Variants in GRIN2B observed in about 807,000 individuals in gnomAD.
The protein encoded by GRIN2B is glutamate receptor ionotropic, NMDA 2B.
A neutral mutation model predicts 114.5 loss-of-function variants in GRIN2B; 5 were observed. The ratio of observed to expected loss-of-function variants is 0.04; its 90% CI spans 0.02 to 0.09. The LOEUF is 0.09. GRIN2B is among the 10% of genes least tolerant of loss of function. The probability of loss-of-function intolerance (pLI) is 1.00; values close to 1 mark genes in which losing one functional copy is unlikely to be tolerated. For missense variants in GRIN2B, 1,108 were observed against 1,943.5 expected (o/e 0.57, Z 8.08); for synonymous variants, 787 against 745.1 (o/e 1.06, Z -0.92).
intron 4 of GRIN2B, among the ~76,000 whole-genome samples, chr12:13,697,236 T>C (rs1210466542): frequency 6.6e-6 from 1 of 152,162 alleles, no homozygotes; most frequent in African/African-American, 2.4e-5. Flanking sequence ...GCCTCAATTT[T>C]CACTTTTTAA....
At chr12:13,911,183 C>T (rs1866622069) in intron 2 of GRIN2B, among the ~76,000 whole-genome samples, 1 of 151,744 alleles carries the variant, frequency 6.6e-6, no homozygotes, top group South Asian at 2.1e-4. Flanking sequence ...GTATCTCGAA[C>T]ATTTAGCACA....
intron 3 of GRIN2B, among the ~76,000 whole-genome samples, chr12:13,785,991 C>T (rs928444961): frequency 3.3e-5 from 5 of 152,084 alleles, no homozygotes; most frequent in Non-Finnish European, 7.4e-5. Context: ...ATGACTTGCC[C>T]AAGGTCACAG....
chr12:13,915,821 C>G (rs1866708086), intron 2 of GRIN2B, among the ~76,000 whole-genome samples: 1 of 152,158 alleles, frequency 6.6e-6, no homozygotes, highest in East Asian at 1.9e-4. Context: ...GGCATCTTTA[C>G]TTGGATTTTG....
chr12:13,943,929 A>G (rs141595951), intron 2 of GRIN2B, among the ~76,000 whole-genome samples: 220 of 152,304 alleles, frequency 1.4e-3, no homozygotes, highest in African/African-American at 5.2e-3. Context: ...TCACTGATGT[A>G]TCCCAGGCAC....
At chr12:13,760,361 C>CT (rs1376261082) in intron 3 of GRIN2B, among the ~76,000 whole-genome samples, 1 of 152,176 alleles carries the variant, frequency 6.6e-6, no homozygotes, top group Non-Finnish European at 1.5e-5. Flanking sequence ...ATGCTGCAAC[C>CT]AGATGCTCTC....
At chr12:13,590,526 T>C (rs1422496406) in intron 10 of GRIN2B, among the ~76,000 whole-genome samples, 2 of 152,178 alleles carry the variant, frequency 1.3e-5, no homozygotes, top group African/African-American at 2.4e-5. Context: ...CTCACTAGTT[T>C]GTTGAGAATG....
intron 4 of GRIN2B, among the ~76,000 whole-genome samples, chr12:13,729,983 A>ATT (rs5796557): frequency 2.4e-4 from 34 of 142,474 alleles, no homozygotes; most frequent in Non-Finnish European, 4.0e-4. Context: ...ATATACACCT[A>ATT]TTTTTTTTTT....
chr12:13,768,871 A>G lies in GRIN2B; in HGVS notation c.412-14956T>C, dbSNP rs1486603485. ...AACACGGTGAAACACCGTCTCTACT[A>G]AAAATACAAAAAATTAGCCTGGCTT... On this transcript the variant is annotated intron_variant, in intron 3 of 13. Transcript: ENST00000609686. 3.3e-5 allele frequency among the ~76,000 whole-genome samples: 5 copies of G among 152,206 alleles called. No individual in the cohort carries two copies. In the East Asian group the frequency reaches 9.7e-4, roughly 30 times the overall value.
chr12:13,602,756 G>T (rs11055537), intron 10 of GRIN2B, among the ~76,000 whole-genome samples: 1 of 152,040 alleles, frequency 6.6e-6, no homozygotes, highest in Non-Finnish European at 1.5e-5. Flanking sequence ...TAGGTGTTAC[G>T]TGGCCATCCT....
At chr12:13,631,000 G>T (rs1176664716) in intron 5 of GRIN2B, among the ~76,000 whole-genome samples, 1 of 152,074 alleles carries the variant, frequency 6.6e-6, no homozygotes, top group Non-Finnish European at 1.5e-5. Context: ...TCAGGAGCGG[G>T]TAACTGTCAA....
In GRIN2B at chr12:13,623,793, T is replaced by C. The variant is rs183063793; in HGVS notation, c.1126-7136A>G. 4.6e-5 allele frequency among the ~76,000 whole-genome samples: 7 copies of C among 152,344 alleles called. 1 individual carries two copies. The East Asian group carries it at 1.2e-3, about 25-fold the overall frequency. ...AAATTTTACTGTTTTTCTTTTGCAGTAGAACATAATATTCTTCTTAAATGG... is the reference window on the plus strand; with the variant it reads ...AAATTTTACTGTTTTTCTTTTGCAGCAGAACATAATATTCTTCTTAAATGG... On this transcript the variant is annotated intron_variant, in intron 5 of 13. Transcript: ENST00000609686.
At chr12:13,712,357 T>C (rs1950422447) in intron 4 of GRIN2B, among the ~76,000 whole-genome samples, 1 of 151,982 alleles carries the variant, frequency 6.6e-6, no homozygotes, top group Non-Finnish European at 1.5e-5. Flanking sequence ...TGTGCACATG[T>C]ACCCTAAAAC....
At chr12:13,875,131 G>A (rs558385034) in intron 2 of GRIN2B, among the ~76,000 whole-genome samples, 1 of 151,898 alleles carries the variant, frequency 6.6e-6, no homozygotes, top group South Asian at 2.1e-4. Flanking sequence ...GTATCCACGT[G>A]TTCTCATCGT....
chr12:13,664,743 C>T (rs1949957814), intron 5 of GRIN2B, among the ~76,000 whole-genome samples: 1 of 152,056 alleles, frequency 6.6e-6, no homozygotes, highest in Non-Finnish European at 1.5e-5. Flanking sequence ...TCTCAAAACT[C>T]CTCTCCCTTA....
Position 13,547,981 on chromosome 12 carries a change from A to ATTTTTTTTT in GRIN2B, c.*14793_*14801dup, listed in dbSNP as rs57206826. On this transcript the variant is annotated 3_prime_UTR_variant, in exon 14 of 14. Coordinates refer to ENST00000609686, the MANE Select transcript of GRIN2B (RefSeq NM_000834.5). Reference sequence around the variant, plus strand: ...TGTGTATATATATATATATATATATATTTTTTTTTTTTTTCTGAAAGCTAC... The same window carrying ATTTTTTTTT: ...TGTGTATATATATATATATATATATATTTTTTTTTTTTTTTTTTTTTTTCTGAAAGCTAC... The ATTTTTTTTT allele has an allele frequency of 1.5e-5, 1 of 68,570 alleles. No individual in the cohort carries two copies. The highest frequency in any genetic ancestry group is 4.6e-5 in the African/African-American group (1 of 21,748). 4.2% of individuals were successfully genotyped at this position (68,570 alleles called of 1,614,324 possible).
intron 3 of GRIN2B, among the ~76,000 whole-genome samples, chr12:13,863,824 C>T (rs1865784874): frequency 6.6e-6 from 1 of 152,182 alleles, no homozygotes; most frequent in Non-Finnish European, 1.5e-5. Context: ...GGTTGCACAA[C>T]AGCCCACATG....
At chr12:13,979,657 C>T (rs547072002) in intron 2 of GRIN2B, among the ~76,000 whole-genome samples, 1 of 151,996 alleles carries the variant, frequency 6.6e-6, no homozygotes, top group Non-Finnish European at 1.5e-5. Flanking sequence ...GATATAGATA[C>T]ATTCCCCTGA....
At chr12:13,957,485 C>T (rs1867613317) in intron 2 of GRIN2B, among the ~76,000 whole-genome samples, 1 of 152,138 alleles carries the variant, frequency 6.6e-6, no homozygotes, top group African/African-American at 2.4e-5. Context: ...GGTAACCTTC[C>T]ACTGGGCCAG....
chr12:13,915,177 T>C (rs1260627515), intron 2 of GRIN2B, among the ~76,000 whole-genome samples: 1 of 152,212 alleles, frequency 6.6e-6, no homozygotes, highest in East Asian at 1.9e-4. Flanking sequence ...CCAAAATATG[T>C]ACATCTATTG....
Sources: allele counts gnomAD v4.1 joint callset (sites outside exome capture counted in the v4.1 genomes callset), GRCh38; gene constraint gnomAD v4.1.1; transcripts MANE v1.5; gene names NCBI Gene and HGNC (gene_info 2026-07-23, HGNC 2026-07-21).